Variants in BBS5 observed in about 807,000 individuals in gnomAD.
BBS5 encodes BBSome complex member BBS5.
In BBS5, 39 loss-of-function variants were observed where a neutral mutation model predicts 50.2. The observed-to-expected ratio is 0.78, with a 90% CI of 0.60 to 1.01. The LOEUF (loss-of-function observed/expected upper bound fraction) is 1.01. Ranked by LOEUF, BBS5 falls within the 50% of genes least tolerant of loss-of-function variation. The pLI, the probability that BBS5 is intolerant of heterozygous loss-of-function variation, is 0.00. For synonymous variants in BBS5, 134 were observed against 133.1 expected (o/e 1.01, Z -0.05); for missense variants, 356 against 401.5 (o/e 0.89, Z 0.97).
chr2:169,488,096 C>A lies in BBS5; in HGVS notation c.368C>A (p.Ser123Tyr). Residue 123 changes from serine (S) to tyrosine (Y), a missense_variant, in exon 5 of 12, where the codon TCT (serine) becomes TAT (tyrosine). Ser to Tyr is a moderately radical substitution (Grantham distance 144). Coordinates refer to ENST00000295240, the MANE Select transcript of BBS5 (RefSeq NM_152384.3). Reference sequence around the variant, plus strand: ...CCTGGAAGCCCTAGACTTTTTACTTCTGTGATGGCAGTACACAGGTATAGT... The same window carrying A: ...CCTGGAAGCCCTAGACTTTTTACTTATGTGATGGCAGTACACAGGTATAGT... ...LVPGSPRLFT[S>Y]VMAVHRAYET... 1.9e-6 allele frequency: 3 copies of A among 1,613,120 alleles called. No homozygotes were observed. The highest frequency in any genetic ancestry group is 2.5e-6 in the Non-Finnish European group (3 of 1,179,330).
At chr2:169,479,737 G>A in intron 1 of BBS5, 125 bp downstream of exon 1, 2 of 1,106,162 alleles carry the variant, frequency 1.8e-6, no homozygotes, top group Non-Finnish European at 2.7e-6. Context: ...GGAGGCTTGC[G>A]CCGGTCGTCC....
At chr2:169,488,599 C>G (rs1027211654) in intron 5 of BBS5, among the ~76,000 whole-genome samples, 1 of 152,230 alleles carries the variant, frequency 6.6e-6, no homozygotes, top group Non-Finnish European at 1.5e-5. Flanking sequence ...GGCCACTGAC[C>G]AGTACCCATC....
chr2:169,493,760 T>A lies in BBS5; in HGVS notation c.542T>A (p.Phe181Tyr). 1 of 1,612,462 alleles carries A rather than the reference T, an allele frequency of 6.2e-7. No individual in the cohort carries two copies. The highest frequency in any genetic ancestry group is 8.5e-7 in the Non-Finnish European group (1 of 1,178,576). Residue 181 changes from phenylalanine (F) to tyrosine (Y), a missense_variant, in exon 7 of 12, where the codon TTT becomes TAT. Phe to Tyr is a conservative substitution (Grantham distance 22). Coordinates refer to ENST00000295240, the MANE Select transcript of BBS5 (RefSeq NM_152384.3). Reference protein sequence around the residue: ...SSDQGNLGTFFITNVRIVWHA... With the variant: ...SSDQGNLGTFYITNVRIVWHA... ...TTACAGGGCAATTTAGGAACCTTTT[T>A]TATTACCAATGTGAGAATTGTGTGG... is the stretch of plus-strand genomic sequence containing the variant.
intron 8 of BBS5, among the ~76,000 whole-genome samples, chr2:169,498,826 A>G (rs1000502036): frequency 1.3e-4 from 20 of 150,172 alleles, no homozygotes; most frequent in Admixed American, 6.0e-4. Flanking sequence ...AAAAAAAAAG[A>G]AAGGAAGGTT....
rs1244656681 is a variant in BBS5 at position 169,488,092 on chromosome 2, A to G, written c.364A>G (p.Thr122Ala). The G allele has an allele frequency of 3.7e-6, 6 of 1,613,248 alleles. No homozygotes were observed. In the South Asian group the frequency reaches 4.4e-5, roughly 12 times the overall value. The change falls in exon 5 of 12, where the codon ACT (threonine) becomes GCT (alanine). Residue 122 changes from threonine to alanine, a missense_variant. Coordinates refer to ENST00000295240, the MANE Select transcript of BBS5 (RefSeq NM_152384.3). Reference sequence around the variant, plus strand: ...GGTTCCTGGAAGCCCTAGACTTTTTACTTCTGTGATGGCAGTACACAGGTA... The same window carrying G: ...GGTTCCTGGAAGCCCTAGACTTTTTGCTTCTGTGATGGCAGTACACAGGTA... ...NLVPGSPRLF[T>A]SVMAVHRAYE...
At chr2:169,481,535 A>G (rs1683396176) in intron 1 of BBS5, among the ~76,000 whole-genome samples, 1 of 152,200 alleles carries the variant, frequency 6.6e-6, no homozygotes, top group Non-Finnish European at 1.5e-5. Flanking sequence ...AAGCAGGGAA[A>G]TGATATGGTC....
rs1273938222 is a variant in BBS5 at position 169,505,878 on chromosome 2, C to G, written c.*1296C>G. 6.6e-6 allele frequency: 1 copy of G among 150,730 alleles called. No individual in the cohort carries two copies. The highest frequency in any genetic ancestry group is 2.0e-4 in the East Asian group (1 of 5,012). 9.3% of individuals were successfully genotyped at this position (150,730 alleles called of 1,614,324 possible). ...GCCGCCCCGTCCGGGAGGTGAGGGG[C>G]GCCTCTGCCCAGCTGCCCCTACTGG... On this transcript the variant is annotated 3_prime_UTR_variant, in exon 12 of 12. Transcript: ENST00000295240.
rs71003093 is a variant in BBS5, at chr2:169,489,851, C to CTTTTTTTTTT, written c.386+1769_386+1778dup. The stretch of plus-strand genomic sequence containing the variant: ...TATTTTTTGGCTTCTCATAAATTTC[C>CTTTTTTTTTT]TTTTTTTTTTTTTTTTTTTTTTTTT... On this transcript the variant is annotated intron_variant, in intron 5 of 11. Transcript: ENST00000295240. 3.0e-4 allele frequency among the ~76,000 whole-genome samples: 20 copies of CTTTTTTTTTT among 65,896 alleles called. 5 individuals are homozygous for CTTTTTTTTTT. Among genetic ancestry groups the CTTTTTTTTTT allele is most frequent in the Non-Finnish European group, 4.0e-4 (15 of 37,960 alleles). 43.2% of individuals were successfully genotyped at this position (65,896 alleles called of 152,430 possible).
intron 10 of BBS5, among the ~76,000 whole-genome samples, chr2:169,503,509 A>G (rs1375978909): frequency 6.6e-6 from 1 of 152,256 alleles, no homozygotes; most frequent in South Asian, 2.1e-4. Flanking sequence ...AAAAAAAGAA[A>G]AAAAAGGAAA....
intron 7 of BBS5, among the ~76,000 whole-genome samples, chr2:169,496,725 C>T (rs1279178273): frequency 6.6e-6 from 1 of 152,032 alleles, no homozygotes; most frequent in East Asian, 1.9e-4. Flanking sequence ...AAAAATTAGC[C>T]GGGCATAGTG....
Position 169,479,497 on chromosome 2 carries a change from G to A in BBS5, c.-57G>A. 1.9e-6 allele frequency: 3 copies of A among 1,599,756 alleles called. No homozygotes were observed. Among genetic ancestry groups the A allele is most frequent in the East Asian group, 2.2e-5 (1 of 44,686 alleles). On this transcript the variant is annotated 5_prime_UTR_variant, in exon 1 of 12. Transcript: ENST00000295240. ...GGCGGCCCGTTGCCTTGGAGCCAGA[G>A]AGACGCAGCTAGGCCTGCACGGCTG...
chr2:169,499,733 A>G, intron 9 of BBS5, 113 bp downstream of exon 9: 3 of 1,131,324 alleles, frequency 2.7e-6, no homozygotes, highest in Non-Finnish European at 4.0e-6. Context: ...AAAATGGTGA[A>G]TATACAGATT....
chr2:169,499,390 C>T, intron 8 of BBS5, 96 bp from the exon 9 acceptor site: 1 of 1,324,338 alleles, frequency 7.6e-7, no homozygotes, highest in Non-Finnish European at 1.0e-6. Context: ...GTATTATGCT[C>T]TAAAATAAGG....
chr2:169,497,969 A>G (rs1346728106), intron 8 of BBS5, among the ~76,000 whole-genome samples: 2 of 152,160 alleles, frequency 1.3e-5, no homozygotes, highest in African/African-American at 2.4e-5. Context: ...CATTATCTCA[A>G]TCTTTACACA....
At chr2:169,487,683 T>C (rs116869010) in intron 3 of BBS5, 123 bp from the exon 4 acceptor site, 29,991 of 626,676 alleles carry the variant, frequency 0.048, 961 homozygotes, top group East Asian at 0.11. Context: ...TTTAAAAGTT[T>C]ATTTCTATAT....
chr2:169,486,933 T>C (rs1683496062), intron 2 of BBS5, 136 bp from the exon 3 acceptor site: 1 of 726,898 alleles, frequency 1.4e-6, no homozygotes, highest in African/African-American at 1.7e-5. Flanking sequence ...ATATGCACAA[T>C]ATTTTCAGTT....
chr2:169,501,019 C>A lies in BBS5; in HGVS notation c.816+1399C>A, dbSNP rs540002233. ...TGAATATTTTCATATAGTTGAGCAT[C>A]CCAAATGCTACGAGTGGAATTTCTT... is the stretch of plus-strand genomic sequence containing the variant. On this transcript the variant is annotated intron_variant, in intron 9 of 11. Coordinates refer to ENST00000295240, the MANE Select transcript of BBS5 (RefSeq NM_152384.3). Among the ~76,000 whole-genome samples, 4 of 152,236 alleles carry A rather than the reference C, an allele frequency of 2.6e-5. No individual in the cohort carries two copies. The South Asian group carries it at 8.3e-4, about 32-fold the overall frequency.
At chr2:169,485,792 T>C (rs980935579) in intron 2 of BBS5, among the ~76,000 whole-genome samples, 1 of 152,182 alleles carries the variant, frequency 6.6e-6, no homozygotes, top group African/African-American at 2.4e-5. Flanking sequence ...TGGCAGAAGA[T>C]CAAAGGGAGG....
rs1010376107 is a variant in BBS5 at position 169,505,098 on chromosome 2, G to T, written c.*516G>T. On this transcript the variant is annotated 3_prime_UTR_variant, in exon 12 of 12. Coordinates refer to ENST00000295240, the MANE Select transcript of BBS5 (RefSeq NM_152384.3). ...GCCTGCCGAGTGCCTGCGATTACAG[G>T]CGCGCGCCGCCACACCTGACTGGTT... 13 of 1,034,822 alleles carry T rather than the reference G, an allele frequency of 1.3e-5. No individual in the cohort carries two copies. The highest frequency in any genetic ancestry group is 1.9e-5 in the Non-Finnish European group (13 of 679,326). 64.1% of individuals were successfully genotyped at this position (1,034,822 alleles called of 1,614,324 possible).
Sources: allele counts gnomAD v4.1 joint callset (sites outside exome capture counted in the v4.1 genomes callset), GRCh38; gene constraint gnomAD v4.1.1; transcripts MANE v1.5; gene names NCBI Gene and HGNC (gene_info 2026-07-23, HGNC 2026-07-21).